The following DCLRE1C variants were observed in gnomAD, a reference collection of about 807,000 sequenced individuals.
The protein encoded by DCLRE1C is protein artemis.
In DCLRE1C, 47 loss-of-function variants were observed where a neutral mutation model predicts 61.4. The ratio of observed to expected loss-of-function variants is 0.77; its 90% CI spans 0.61 to 0.98. The LOEUF (loss-of-function observed/expected upper bound fraction) is 0.98. Ranked by LOEUF, DCLRE1C falls within the 50% of genes least tolerant of loss-of-function variation. The pLI is 0.00. For synonymous variants in DCLRE1C, 337 were observed against 287.6 expected, an observed-to-expected ratio of 1.17 and a Z score of -1.74; for missense variants, 858 against 816.0, an observed-to-expected ratio of 1.05 and a Z score of -0.63.
At chr10:14,913,958 A>C (rs1185518980) in intron 13 of DCLRE1C, among the ~76,000 whole-genome samples, 2 of 152,230 alleles carry the variant, frequency 1.3e-5, no homozygotes, top group African/African-American at 2.4e-5. Flanking sequence ...GATTAAACAG[A>C]ATCAGTCAGT....
chr10:14,930,427 T>G (rs1455964929), intron 9 of DCLRE1C, among the ~76,000 whole-genome samples: 5 of 149,268 alleles, frequency 3.3e-5, no homozygotes, highest in Admixed American at 6.7e-5. Flanking sequence ...GCCACTAAGT[T>G]TATGGGTTTT....
chr10:14,906,750 A>G lies in DCLRE1C; in HGVS notation c.*1658T>C, dbSNP rs530446920. Among the ~76,000 whole-genome samples, 6 of 152,354 alleles carry G rather than the reference A, an allele frequency of 3.9e-5. No homozygotes were observed. In the East Asian group the frequency reaches 9.6e-4, roughly 24 times the overall value. ...GCTTCCATAATCTATGAAATGTCAC[A>G]ATAACTAAGTGTTCCTGAATATCTG... On this transcript the variant is annotated 3_prime_UTR_variant, in exon 14 of 14. Coordinates refer to ENST00000378278, the MANE Select transcript of DCLRE1C (RefSeq NM_001033855.3).
At chr10:14,926,545 T>G (rs1267715326) in intron 11 of DCLRE1C, among the ~76,000 whole-genome samples, 2 of 151,564 alleles carry the variant, frequency 1.3e-5, no homozygotes, top group African/African-American at 4.9e-5. Flanking sequence ...TCCCAGCTAT[T>G]CGGGAGGCTG....
At chr10:14,937,893 CAAA>C (rs749452841) in intron 4 of DCLRE1C, among the ~76,000 whole-genome samples, 1 of 40,636 alleles carries the variant, frequency 2.5e-5, no homozygotes, top group Non-Finnish European at 5.2e-5. Flanking sequence ...GGCTCAGTCT[CAAA>C]AAAAAAAAAA....
At chr10:14,927,957 T>C (rs1047935271) in intron 10 of DCLRE1C, 59 bp downstream of exon 10, 4 of 1,562,840 alleles carry the variant, frequency 2.6e-6, no homozygotes, top group Non-Finnish European at 3.5e-6. Context: ...TTAAATGAAA[T>C]TAAATCAGAC....
At chr10:14,940,136 T>A (rs978249210) in intron 3 of DCLRE1C, among the ~76,000 whole-genome samples, 25 of 152,298 alleles carry the variant, frequency 1.6e-4, no homozygotes, top group Middle Eastern at 3.4e-3. Flanking sequence ...GAATTCATTT[T>A]TCCTCCTTCA....
At chr10:14,936,742 A>T (rs2130976870) in intron 4 of DCLRE1C, 149 bp from the exon 5 acceptor site, 1 of 645,442 alleles carries the variant, frequency 1.5e-6, no homozygotes, top group Middle Eastern at 2.5e-4. Context: ...TCCTAGAAAC[A>T]AGTGGAATCC....
chr10:14,941,488 T>C (rs570007404), intron 3 of DCLRE1C, among the ~76,000 whole-genome samples: 5 of 152,314 alleles, frequency 3.3e-5, no homozygotes, highest in African/African-American at 1.2e-4. Flanking sequence ...GGTTTTGCAG[T>C]ATTGCCCAGG....
chr10:14,939,648 A>G (rs1161816049), intron 4 of DCLRE1C, among the ~76,000 whole-genome samples, 162 bp downstream of exon 4: 1 of 152,172 alleles, frequency 6.6e-6, no homozygotes, highest in Non-Finnish European at 1.5e-5. Flanking sequence ...CCACTCAATG[A>G]CTAGATTTTT....
intron 3 of DCLRE1C, among the ~76,000 whole-genome samples, chr10:14,944,737 T>G (rs560570268): frequency 1.4e-5 from 2 of 147,684 alleles, no homozygotes; most frequent in South Asian, 2.2e-4. Context: ...TGCAGTGGCG[T>G]GATCTCAGCT....
chr10:14,949,569 T>C (rs978551426), intron 1 of DCLRE1C, among the ~76,000 whole-genome samples: 3 of 152,182 alleles, frequency 2.0e-5, no homozygotes, highest in Admixed American at 1.3e-4. Context: ...CTGTGATGGA[T>C]TGAAAGGGGA....
At position 14,908,911 on chromosome 10, in the gene DCLRE1C, C is replaced by G; in HGVS notation, c.1576G>C (p.Asp526His). ...SQSPKLFSDS[D>H]GESTHISSQN... ...GAGGAGATGTGAGTTGATTCTCCAT[C>G]AGAGTCACTGAAAAGCTTTGGTGAC... The change falls in exon 14 of 14, where the codon GAT becomes CAT. Residue 526 changes from aspartate (D) to histidine (H), a missense_variant. Asp to His is a moderately conservative substitution (Grantham distance 81). Transcript: ENST00000378278. The G allele has an allele frequency of 1.2e-6, 2 of 1,614,182 alleles. No individual in the cohort carries two copies. The highest frequency in any genetic ancestry group is 1.7e-6 in the Non-Finnish European group (2 of 1,180,024).
intron 1 of DCLRE1C, among the ~76,000 whole-genome samples, chr10:14,951,389 CAAAAAAAAAAA>C (rs60272216): frequency 1.5e-4 from 7 of 46,060 alleles, no homozygotes; most frequent in South Asian, 1.2e-3. Context: ...AACCCTGTCT[CAAAAAAAAAAA>C]AAAAAAAAAA....
rs1834257882 is a variant in DCLRE1C, at chr10:14,904,825, A to G, written c.*3583T>C. On this transcript the variant is annotated 3_prime_UTR_variant, in exon 14 of 14. Transcript: ENST00000378278. ...TGTCAGAATTTTTCAGTGTAAGACA[A>G]ATATCAAAGGTAATAGATCCAGTTT... is the stretch of plus-strand genomic sequence containing the variant. 6.6e-6 allele frequency among the ~76,000 whole-genome samples: 1 copy of G among 152,240 alleles called. No individual in the cohort carries two copies. Among genetic ancestry groups the G allele is most frequent in the African/African-American group, 2.4e-5 (1 of 41,468 alleles).
rs537972263 is a variant in DCLRE1C, at chr10:14,939,368, C to A, written c.306+442G>T. 9.8e-4 allele frequency among the ~76,000 whole-genome samples: 148 copies of A among 151,570 alleles called. 1 individual carries two copies. Among genetic ancestry groups the A allele is most frequent in the African/African-American group, 3.4e-3 (140 of 41,256 alleles). ...CTGAGGCAGGAGAATCGCTTGAACC[C>A]AGGAGGTGGAGGTTGCAGTGAGCCA... On this transcript the variant is annotated intron_variant, in intron 4 of 13. Coordinates refer to ENST00000378278, the MANE Select transcript of DCLRE1C (RefSeq NM_001033855.3).
chr10:14,909,125 T>G lies in DCLRE1C; in HGVS notation c.1362A>C (p.Glu454Asp). ...CTTCTTCTTCACTTTCACTGTTGGA[T>G]TCTTCACAATCTACAAAGTTTGTGA... ...SRFTNFVDCE[E>D]SNSESEEEVG... The change falls in exon 14 of 14, where the codon GAA becomes GAC. Residue 454 changes from glutamate to aspartate, a missense_variant. Transcript: ENST00000378278. The G allele has an allele frequency of 6.2e-7, 1 of 1,614,252 alleles. No homozygotes were observed. The highest frequency in any genetic ancestry group is 1.3e-5 in the African/African-American group (1 of 75,070).
chr10:14,953,734 G>A (rs939614589), intron 1 of DCLRE1C, among the ~76,000 whole-genome samples, 168 bp downstream of exon 1: 1 of 152,194 alleles, frequency 6.6e-6, no homozygotes, highest in African/African-American at 2.4e-5. Flanking sequence ...TCCGAAAATA[G>A]ATGAAGCCTT....
At chr10:14,944,373 T>C (rs1841340732) in intron 3 of DCLRE1C, among the ~76,000 whole-genome samples, 2 of 152,074 alleles carry the variant, frequency 1.3e-5, no homozygotes, top group South Asian at 2.1e-4. Flanking sequence ...GTGGTGGGAT[T>C]CTGTAGTCCC....
At chr10:14,935,087 G>C (rs546632555) in intron 6 of DCLRE1C, among the ~76,000 whole-genome samples, 1 of 151,772 alleles carries the variant, frequency 6.6e-6, no homozygotes, top group Non-Finnish European at 1.5e-5. Flanking sequence ...GCCTCCCAAA[G>C]TGCTGGGATT....
Sources: gnomAD v4.1 joint callset for allele counts (sites outside exome capture counted in the v4.1 genomes callset) on GRCh38, gnomAD v4.1.1 for gene constraint, MANE v1.5 for transcripts, NCBI Gene and HGNC (gene_info 2026-07-23, HGNC 2026-07-21) for gene names.